RWDD3: variants seen among roughly 807,000 people sequenced by gnomAD.
The protein encoded by RWDD3 is RWD domain containing 3, also known as RWD domain-containing protein 3.
RWDD3 carries 30 observed loss-of-function variants against 26.5 expected under a neutral mutation model. The ratio of observed to expected loss-of-function variants is 1.13; its 90% CI spans 0.85 to 1.54. The LOEUF (loss-of-function observed/expected upper bound fraction) is 1.54, where lower values mean the gene tolerates loss of function less well. RWDD3 is among the 40% of genes most tolerant of loss of function. The pLI, the probability that RWDD3 is intolerant of heterozygous loss-of-function variation, is 0.00. For synonymous variants in RWDD3, 113 were observed against 114.5 expected, an observed-to-expected ratio of 0.99 and a Z score of 0.09; for missense variants, 296 against 309.1, an observed-to-expected ratio of 0.96 and a Z score of 0.32.
At chr1:95,236,499 A>G (rs1680365179) in intron 1 of RWDD3, among the ~76,000 whole-genome samples, 1 of 152,164 alleles carries the variant, frequency 6.6e-6, no homozygotes, top group Non-Finnish European at 1.5e-5. Context: ...CTCATTGGGC[A>G]CTGTTATGTT....
chr1:95,234,351 CAG>C (rs1557716794), intron 1 of RWDD3, 36 bp downstream of exon 1: 1 of 1,550,530 alleles, frequency 6.4e-7, no homozygotes, highest in South Asian at 1.2e-5. Context: ...AGGGCGCCCT[CAG>C]GGGCCACCCG....
intron 1 of RWDD3, chr1:95,239,936 A>G: frequency 7.8e-7 from 1 of 1,289,514 alleles, no homozygotes; most frequent in South Asian, 1.2e-5. Flanking sequence ...CACAGGTTGG[A>G]GAACACTGTG....
At chr1:95,242,313 A>G (rs1445035683) in intron 1 of RWDD3, among the ~76,000 whole-genome samples, 1 of 152,254 alleles carries the variant, frequency 6.6e-6, no homozygotes, top group Admixed American at 6.5e-5. Context: ...GTGTTCTGAA[A>G]CACTGGATTG....
intron 1 of RWDD3, chr1:95,239,759 A>G (rs1320352294): frequency 7.9e-7 from 1 of 1,264,512 alleles, no homozygotes; most frequent in Admixed American, 2.5e-5. Context: ...ACCCATTGCT[A>G]TTCTGTTTGC....
chr1:95,240,528 CT>C (rs1680571178), intron 1 of RWDD3, among the ~76,000 whole-genome samples: 1 of 152,020 alleles, frequency 6.6e-6, no homozygotes, highest in African/African-American at 2.4e-5. Flanking sequence ...TAAGGGCCTT[CT>C]TGGAGATAAT....
intron 1 of RWDD3, among the ~76,000 whole-genome samples, chr1:95,234,613 C>A (rs551126798): frequency 6.6e-6 from 1 of 151,928 alleles, no homozygotes; most frequent in East Asian, 1.9e-4. Context: ...CCCAGCCTCC[C>A]ACCCCTCAGA....
Position 95,234,346 on chromosome 1 carries a change from G to A in RWDD3, c.85+31G>A, listed in dbSNP as rs747422342. 4 of 1,553,086 alleles carry A rather than the reference G, an allele frequency of 2.6e-6. No homozygotes were observed. In the South Asian group the frequency reaches 3.5e-5, roughly 14 times the overall value. ...TACCCGCGCGCGGGAGGGACAGGGCGCCCTCAGGGGCCACCCGCGTTCGCT... is the reference window on the plus strand; with the variant it reads ...TACCCGCGCGCGGGAGGGACAGGGCACCCTCAGGGGCCACCCGCGTTCGCT... On this transcript the variant is annotated intron_variant, in intron 1 of 3. Transcript: ENST00000370202.
At chr1:95,240,056 A>T in intron 1 of RWDD3, 4 of 640,542 alleles carry the variant, frequency 6.2e-6, no homozygotes, top group African/African-American at 2.2e-5. Flanking sequence ...TCTCCTCCTT[A>T]TAGGGACCCT....
intron 2 of RWDD3, among the ~76,000 whole-genome samples, chr1:95,245,275 C>T (rs1446879018): frequency 5.3e-5 from 8 of 152,206 alleles, no homozygotes; most frequent in African/African-American, 1.4e-4. Flanking sequence ...CTTGTCTCAG[C>T]AGTTGCTTTC....
chr1:95,238,108 A>C (rs144609241), intron 1 of RWDD3, among the ~76,000 whole-genome samples: 1 of 152,234 alleles, frequency 6.6e-6, no homozygotes. Context: ...GACACAGATT[A>C]TGTGGCCATA....
At chr1:95,240,172 G>A (rs927164303) in intron 1 of RWDD3, among the ~76,000 whole-genome samples, 13 of 152,220 alleles carry the variant, frequency 8.5e-5, no homozygotes, top group South Asian at 4.1e-4. Flanking sequence ...GTGAGGGAGC[G>A]TATTCACAGC....
chr1:95,235,784 G>A (rs910715374), intron 1 of RWDD3, among the ~76,000 whole-genome samples: 1 of 151,976 alleles, frequency 6.6e-6, no homozygotes, highest in Admixed American at 6.6e-5. Context: ...TGGCCTCTAG[G>A]AGCTTACAGT....
At position 95,247,157 on chromosome 1, in the gene RWDD3, C is replaced by T. The variant is rs961606446; in HGVS notation, c.*287C>T. On this transcript the variant is annotated 3_prime_UTR_variant, in exon 4 of 4. Coordinates refer to ENST00000370202, the MANE Select transcript of RWDD3 (RefSeq NM_015485.5). ...GTAAATGAACACTTGTTTTTATAGA[C>T]AATATTTGTTTGAAACTATGTAATT... 1.6e-5 allele frequency: 3 copies of T among 193,234 alleles called. No homozygotes were observed. The highest frequency in any genetic ancestry group is 3.1e-5 in the Non-Finnish European group (3 of 95,862). The allele number at this position is 193,234 out of a possible 1,614,324, so 12.0% of individuals were successfully genotyped here. A position where few individuals can be genotyped will look rare whatever the true frequency, so the allele number is the denominator to read the frequency against.
At chr1:95,238,039 A>T (rs921802153) in intron 1 of RWDD3, among the ~76,000 whole-genome samples, 3 of 152,208 alleles carry the variant, frequency 2.0e-5, no homozygotes, top group Non-Finnish European at 4.4e-5. Flanking sequence ...GTATGTGTGG[A>T]TCTATGAGAG....
At position 95,236,181 on chromosome 1, in the gene RWDD3, CTGGG is replaced by C. The variant is rs1680347114; in HGVS notation, c.85+1867_85+1870del. Among the ~76,000 whole-genome samples the C allele has an allele frequency of 3.3e-5, 5 of 152,142 alleles. No individual in the cohort carries two copies. The South Asian group carries it at 6.2e-4, about 19-fold the overall frequency. ...TCTCTACTAAAAATACAAAAATTAG[CTGGG>C]CATGGTGGCACACGCCTGTGATCCT... On this transcript the variant is annotated intron_variant, in intron 1 of 3. Transcript: ENST00000370202.
chr1:95,246,674 T>C lies in RWDD3; in HGVS notation c.689+17T>C, dbSNP rs371709891. On this transcript the variant is annotated intron_variant, in intron 3 of 3. Transcript: ENST00000370202. Reference sequence around the variant, plus strand: ...ACACAAAAGGTATAATTTAGTACTATTGCAGATGGAAAAGCAACTGAATCG... The same window carrying C: ...ACACAAAAGGTATAATTTAGTACTACTGCAGATGGAAAAGCAACTGAATCG... 307 of 1,558,270 alleles carry C rather than the reference T, an allele frequency of 2.0e-4. No homozygotes were observed. The highest frequency in any genetic ancestry group is 1.7e-4 in the Non-Finnish European group (189 of 1,138,538).
rs1452488956 is a variant in RWDD3, at chr1:95,244,654, A to G, written c.529A>G (p.Lys177Glu). ...GACAGGAAGACTGATGTTCATGGGT[A>G]AAATAATACTGATTTTACTACAGGG... ...RLTGRLMFMG[K>E]IILILLQGDR... The change falls in exon 2 of 4, where the codon AAA (lysine) becomes GAA (glutamate). Residue 177 changes from lysine to glutamate, a missense_variant. By Grantham distance (56) the Lys-to-Glu change is moderately conservative. Coordinates refer to ENST00000370202, the MANE Select transcript of RWDD3 (RefSeq NM_015485.5). 1.9e-6 allele frequency: 3 copies of G among 1,614,114 alleles called. No homozygotes were observed. Among genetic ancestry groups the G allele is most frequent in the Admixed American group, 1.7e-5 (1 of 60,012 alleles).
At position 95,246,857 on chromosome 1, in the gene RWDD3, C is replaced by G; in HGVS notation, c.791C>G (p.Ala264Gly). 6.5e-7 allele frequency: 1 copy of G among 1,528,374 alleles called. No homozygotes were observed. Among genetic ancestry groups the G allele is most frequent in the Non-Finnish European group, 8.8e-7 (1 of 1,140,670 alleles). The allele number at this position is 1,528,374 out of a possible 1,614,324, so 94.7% of individuals were successfully genotyped here. A position where few individuals can be genotyped will look rare whatever the true frequency, so the allele number is the denominator to read the frequency against. The change falls in exon 4 of 4, where the codon GCT (alanine) becomes GGT (glycine). Residue 264 changes from alanine to glycine, a missense_variant. Coordinates refer to ENST00000370202, the MANE Select transcript of RWDD3 (RefSeq NM_015485.5). ...LKKLFSEFVL[A>G]LVK ...AAGCTTTTCTCCGAATTTGTACTTG[C>G]TCTGGTAAAATGAAATGGAAGACAG...
At chr1:95,237,204 T>G (rs1680398059) in intron 1 of RWDD3, 1 of 151,806 alleles carries the variant, frequency 6.6e-6, no homozygotes, top group East Asian at 1.9e-4. Flanking sequence ...TTTTACAAAG[T>G]AAGGACTTCT....
Sources: allele counts gnomAD v4.1 joint callset (sites outside exome capture counted in the v4.1 genomes callset), GRCh38; gene constraint gnomAD v4.1.1; transcripts MANE v1.5; gene names NCBI Gene and HGNC (gene_info 2026-07-23, HGNC 2026-07-21).